Variants in THSD7B observed in about 807,000 individuals in gnomAD.
THSD7B encodes the protein thrombospondin type-1 domain-containing protein 7B.
Under a neutral mutation model 213.6 loss-of-function variants are expected in THSD7B, and 138 were observed. That is an observed-to-expected ratio of 0.65 (90% confidence interval 0.56 to 0.74). THSD7B has a LOEUF of 0.74. Among genes scored for constraint, THSD7B ranks in the 30% least tolerant of loss-of-function variants. The pLI is 0.00. For missense variants in THSD7B, 1,931 were observed against 1,991.5 expected (o/e 0.97, Z 0.58); for synonymous variants, 742 against 687.0 (o/e 1.08, Z -1.25).
At chr2:137,350,460 A>C (rs1180341133) in intron 12 of THSD7B, among the ~76,000 whole-genome samples, 1 of 151,822 alleles carries the variant, frequency 6.6e-6, no homozygotes, top group Admixed American at 6.6e-5. Context: ...GCAGTGGAGA[A>C]AGTCAGAGAG....
At chr2:137,077,009 T>C (rs1179868212) in intron 3 of THSD7B, among the ~76,000 whole-genome samples, 2 of 119,972 alleles carry the variant, frequency 1.7e-5, no homozygotes, top group Admixed American at 2.3e-4. Flanking sequence ...CAGTGTGTGA[T>C]GTTCCTCTTC....
Position 137,667,821 on chromosome 2 carries a change from C to G in THSD7B, c.4699C>G (p.Leu1567Val), listed in dbSNP as rs1438512112. The G allele has an allele frequency of 1.2e-6, 2 of 1,604,944 alleles. No homozygotes were observed. Among genetic ancestry groups the G allele is most frequent in the East Asian group, 4.5e-5 (2 of 44,724 alleles). The change falls in exon 27 of 28, where the codon CTC (leucine) becomes GTC (valine). Residue 1567 changes from leucine (L) to valine (V), a missense_variant. Coordinates refer to ENST00000409968, the MANE Select transcript of THSD7B (RefSeq NM_001316349.2). ...TTATGGCGTTTCAGGTGGCGCTTTT[C>G]TCATCATGATTTTCCTAATATTTAC... The part of the protein sequence containing the change: ...WVYGVSGGAF[L>V]IMIFLIFTSY...
chr2:137,231,153 A>C lies in THSD7B; in HGVS notation c.1833A>C (p.Ser611=). The C allele has an allele frequency of 6.2e-7, 1 of 1,613,766 alleles. No homozygotes were observed. The highest frequency in any genetic ancestry group is 8.5e-7 in the Non-Finnish European group (1 of 1,179,792). The change falls in exon 8 of 28, where the codon TCA becomes TCC. Residue 611 remains serine, a synonymous_variant. Transcript: ENST00000409968. The part of the protein sequence containing the change: ...DCVLSEWTEW[S]SCSQSCSNKN... ...TGCTGAGCGAGTGGACGGAGTGGTC[A>C]TCCTGTTCCCAGTCCTGTTCAAATA...
At chr2:137,011,564 G>A (rs1321665226) in intron 2 of THSD7B, among the ~76,000 whole-genome samples, 1 of 151,978 alleles carries the variant, frequency 6.6e-6, no homozygotes, top group Non-Finnish European at 1.5e-5. Context: ...ATGTCTCTTG[G>A]GGACAAAATA....
chr2:137,110,542 G>A (rs970870691), intron 4 of THSD7B, among the ~76,000 whole-genome samples: 2 of 152,122 alleles, frequency 1.3e-5, no homozygotes, highest in Non-Finnish European at 1.5e-5. Context: ...CTCAAAGTAG[G>A]GACATCAGAG....
intron 7 of THSD7B, among the ~76,000 whole-genome samples, chr2:137,189,837 C>A (rs188105069): frequency 9.9e-5 from 15 of 152,186 alleles, no homozygotes; most frequent in Non-Finnish European, 1.6e-4. Flanking sequence ...ATTTATTCAA[C>A]TCTGTATTCT....
At chr2:136,966,109 C>A (rs1179929776) in intron 2 of THSD7B, among the ~76,000 whole-genome samples, 2 of 152,188 alleles carry the variant, frequency 1.3e-5, no homozygotes, top group African/African-American at 4.8e-5. Flanking sequence ...CCCCTCCTGG[C>A]AACCTTCTTT....
intron 2 of THSD7B, among the ~76,000 whole-genome samples, chr2:136,932,794 A>G (rs924350114): frequency 1.3e-5 from 2 of 152,086 alleles, no homozygotes; most frequent in African/African-American, 4.8e-5. Context: ...GTGCAGTTAA[A>G]CCTGTGTTGT....
At chr2:137,454,044 C>G (rs910387976) in intron 15 of THSD7B, among the ~76,000 whole-genome samples, 1 of 152,156 alleles carries the variant, frequency 6.6e-6, no homozygotes, top group South Asian at 2.1e-4. Flanking sequence ...CATAACTTGG[C>G]TGTTGTAAAT....
At chr2:137,326,628 C>A (rs1684379960) in intron 12 of THSD7B, among the ~76,000 whole-genome samples, 1 of 152,282 alleles carries the variant, frequency 6.6e-6, no homozygotes, top group African/African-American at 2.4e-5. Flanking sequence ...CCTTTACTGT[C>A]TTTCATAGTA....
At chr2:136,787,367 A>G (rs1320765662) in intron 1 of THSD7B, among the ~76,000 whole-genome samples, 15 of 152,050 alleles carry the variant, frequency 9.9e-5, no homozygotes, top group South Asian at 2.1e-4. Context: ...TTAGCTCTCT[A>G]GGTGTAAATT....
intron 2 of THSD7B, among the ~76,000 whole-genome samples, chr2:136,952,896 G>A (rs997471974): frequency 1.3e-5 from 2 of 151,974 alleles, no homozygotes; most frequent in African/African-American, 4.8e-5. Flanking sequence ...GCCATTAATG[G>A]GAATAAAAAA....
At chr2:137,090,454 G>T (rs1400542410) in intron 3 of THSD7B, among the ~76,000 whole-genome samples, 1 of 152,120 alleles carries the variant, frequency 6.6e-6, no homozygotes, top group Admixed American at 6.5e-5. Context: ...TGAATTGGAG[G>T]TAGTTTACCG....
intron 12 of THSD7B, among the ~76,000 whole-genome samples, chr2:137,298,638 T>G (rs62171147): frequency 0.035 from 5,345 of 152,216 alleles, 147 homozygotes; most frequent in Middle Eastern, 0.12. Flanking sequence ...GTGTGCAGCT[T>G]AGGGACTTAG....
intron 3 of THSD7B, among the ~76,000 whole-genome samples, chr2:137,064,832 T>G (rs1192462313): frequency 6.6e-6 from 1 of 152,106 alleles, no homozygotes; most frequent in Admixed American, 6.6e-5. Context: ...ATGGGTTTAT[T>G]TCTGGGTTCT....
At chr2:137,131,002 A>T (rs927213214) in intron 5 of THSD7B, among the ~76,000 whole-genome samples, 1 of 150,856 alleles carries the variant, frequency 6.6e-6, no homozygotes, top group African/African-American at 2.4e-5. Context: ...CCAACAGTGT[A>T]AAAGTGTTCC....
intron 12 of THSD7B, among the ~76,000 whole-genome samples, chr2:137,354,831 G>GA (rs1685094054): frequency 6.9e-6 from 1 of 144,642 alleles, no homozygotes; most frequent in Non-Finnish European, 1.5e-5. Context: ...CTGAGCAGCT[G>GA]TTTTTTTTTT....
At position 137,620,630 on chromosome 2, in the gene THSD7B, A is replaced by G. The variant is rs1287949149; in HGVS notation, c.3703A>G (p.Arg1235Gly). 6 of 1,613,642 alleles carry G rather than the reference A, an allele frequency of 3.7e-6. No homozygotes were observed. Among genetic ancestry groups the G allele is most frequent in the South Asian group, 1.1e-5 (1 of 91,088 alleles). The change falls in exon 20 of 28, where the codon AGA becomes GGA. Residue 1235 changes from arginine to glycine, a missense_variant. Coordinates refer to ENST00000409968, the MANE Select transcript of THSD7B (RefSeq NM_001316349.2). ...CEQHNLEKPQ[R>G]MSIPCLVECV... ...GCAGCATAATTTGGAGAAGCCCCAG[A>G]GAATGAGCATTCCCTGCTTGGTGGA...
intron 10 of THSD7B, among the ~76,000 whole-genome samples, chr2:137,260,740 AG>A (rs1682424265): frequency 6.6e-6 from 1 of 152,200 alleles, no homozygotes. Flanking sequence ...ATTCCAGCCT[AG>A]GTGACAGAGT....
Sources: gnomAD v4.1 joint callset for allele counts (sites outside exome capture counted in the v4.1 genomes callset) on GRCh38, gnomAD v4.1.1 for gene constraint, MANE v1.5 for transcripts, NCBI Gene and HGNC (gene_info 2026-07-23, HGNC 2026-07-21) for gene names.